SPATA31F1: variants seen among roughly 807,000 people sequenced by gnomAD.
SPATA31F1 encodes SPATA31 subfamily F member 1, also known as protein SPATA31F1.
the SPATA31F1 span, chr9:34,725,741 G>C: frequency 4.5e-6 from 7 of 1,549,104 alleles, no homozygotes; most frequent in Non-Finnish European, 6.1e-6. Flanking sequence ...GTCAGATGGA[G>C]ACATCCAGTT....
the SPATA31F1 span, among the ~76,000 whole-genome samples, chr9:34,728,387 A>G: frequency 6.6e-6 from 1 of 152,224 alleles, no homozygotes; most frequent in African/African-American, 2.4e-5. Flanking sequence ...ACAATTAAGA[A>G]CATCTGCTCT....
the SPATA31F1 span, chr9:34,723,432 T>A: frequency 6.4e-7 from 1 of 1,551,652 alleles, no homozygotes; most frequent in African/African-American, 1.4e-5. Flanking sequence ...GAGCACCCTG[T>A]CGGCTTCTCC....
At chr9:34,728,217 C>A in the SPATA31F1 span, 1 of 710,728 alleles carries the variant, frequency 1.4e-6, no homozygotes, top group South Asian at 1.9e-5. Flanking sequence ...TAAGGCATGT[C>A]TGAGTACAGC....
chr9:34,725,895 T>C, the SPATA31F1 span: 1 of 1,552,148 alleles, frequency 6.4e-7, no homozygotes, highest in Non-Finnish European at 8.7e-7. Flanking sequence ...TGAGATCCCA[T>C]GAAAGTGGCA....
chr9:34,727,018 A>G, the SPATA31F1 span: 1 of 1,534,062 alleles, frequency 6.5e-7, no homozygotes, highest in South Asian at 1.2e-5. Context: ...AAAATTAACG[A>G]TGGAGTGACA....
chr9:34,724,991 G>C, the SPATA31F1 span: 1 of 1,552,030 alleles, frequency 6.4e-7, no homozygotes, highest in East Asian at 2.4e-5. Context: ...ACCTGGTAAA[G>C]CCTGTTGCTG....
the SPATA31F1 span, chr9:34,727,997 T>C: frequency 6.5e-7 from 1 of 1,549,216 alleles, no homozygotes; most frequent in East Asian, 2.4e-5. Flanking sequence ...TGGTTGTTGA[T>C]AGAGTGCAAA....
the SPATA31F1 span, chr9:34,726,833 G>A: frequency 6.4e-7 from 1 of 1,551,652 alleles, no homozygotes; most frequent in Non-Finnish European, 8.7e-7. Context: ...TAGGCAAGAG[G>A]AGCCCTGCAA....
chr9:34,723,443 G>A, the SPATA31F1 span: 27 of 1,551,632 alleles, frequency 1.7e-5, no homozygotes, highest in Middle Eastern at 1.7e-4. Flanking sequence ...CGGCTTCTCC[G>A]TCTTACTTCT....
At chr9:34,723,352 G>A in the SPATA31F1 span, 36 of 1,551,666 alleles carry the variant, frequency 2.3e-5, no homozygotes, top group South Asian at 2.0e-4. Context: ...GGAGCTTATC[G>A]TCTAGGGATT....
the SPATA31F1 span, chr9:34,723,297 G>T: frequency 1.3e-6 from 2 of 1,551,614 alleles, no homozygotes; most frequent in African/African-American, 2.7e-5. Flanking sequence ...CAGTGGCGGG[G>T]GTAGCCCAGG....
chr9:34,726,081 G>A, the SPATA31F1 span: 1 of 1,500,976 alleles, frequency 6.7e-7, no homozygotes, highest in Admixed American at 2.0e-5. Flanking sequence ...TGCTGACAGT[G>A]GTGTCTTTGT....
chr9:34,724,514 C>G, the SPATA31F1 span: 1 of 1,551,476 alleles, frequency 6.4e-7, no homozygotes. Context: ...CTTCCTTGCC[C>G]TAATGGGAAT....
At chr9:34,727,489 C>T in the SPATA31F1 span, among the ~76,000 whole-genome samples, 1 of 152,204 alleles carries the variant, frequency 6.6e-6, no homozygotes, top group Admixed American at 6.5e-5. Flanking sequence ...CTCTTCGGAA[C>T]CAGTCCTGTT....
At chr9:34,729,290 G>C in the SPATA31F1 span, 1 of 1,551,980 alleles carries the variant, frequency 6.4e-7, no homozygotes, top group Non-Finnish European at 8.7e-7. Flanking sequence ...CTACCCGGCA[G>C]CAGCTCCTTT....
At chr9:34,726,773 T>C in the SPATA31F1 span, 1 of 1,551,668 alleles carries the variant, frequency 6.4e-7, no homozygotes, top group Admixed American at 2.0e-5. Flanking sequence ...GTGCCAGGAA[T>C]GAAACTCCAG....
the SPATA31F1 span, chr9:34,723,093 C>T: frequency 4.9e-6 from 5 of 1,019,324 alleles, no homozygotes; most frequent in Non-Finnish European, 7.0e-6. Context: ...GGCATCTGTC[C>T]CACCTGCACA....
At chr9:34,725,760 G>C in the SPATA31F1 span, 1 of 1,549,854 alleles carries the variant, frequency 6.5e-7, no homozygotes, top group Non-Finnish European at 8.7e-7. Context: ...TTTGGGGAAA[G>C]TGGGGAAGAG....
At chr9:34,723,880 C>A in the SPATA31F1 span, 23 of 1,551,546 alleles carry the variant, frequency 1.5e-5, no homozygotes, top group South Asian at 2.6e-4. Flanking sequence ...GCTGTGGGAG[C>A]TTAAGCTGAG....
Sources: allele counts gnomAD v4.1 joint callset (sites outside exome capture counted in the v4.1 genomes callset), GRCh38; gene constraint gnomAD v4.1.1; transcripts MANE v1.5; gene names NCBI Gene and HGNC (gene_info 2026-07-23, HGNC 2026-07-21).